The following AGXT2 variants were observed in gnomAD, a reference collection of about 807,000 sequenced individuals.
AGXT2 encodes alanine--glyoxylate aminotransferase 2.
AGXT2 carries 61 observed loss-of-function variants against 62.5 expected under a neutral mutation model. The observed-to-expected ratio is 0.98, with a 90% CI of 0.79 to 1.21. The LOEUF is 1.21. AGXT2 is among the 50% of genes most tolerant of loss of function. The pLI is 0.00. For missense variants in AGXT2, 666 were observed against 641.5 expected, an observed-to-expected ratio of 1.04 and a Z score of -0.41; for synonymous variants, 243 against 218.7, an observed-to-expected ratio of 1.11 and a Z score of -0.98.
At chr5:35,008,544 A>G (rs1369809291) in intron 12 of AGXT2, among the ~76,000 whole-genome samples, 1 of 152,246 alleles carries the variant, frequency 6.6e-6, no homozygotes, top group Non-Finnish European at 1.5e-5. Flanking sequence ...GAAATACGTT[A>G]TGACTTGTGA....
At chr5:35,044,418 G>A (rs992042047) in intron 1 of AGXT2, among the ~76,000 whole-genome samples, 1 of 152,164 alleles carries the variant, frequency 6.6e-6, no homozygotes, top group Non-Finnish European at 1.5e-5. Flanking sequence ...CATCCGCTCC[G>A]GACATGATCT....
At chr5:35,003,306 C>G (rs952291094) in intron 13 of AGXT2, among the ~76,000 whole-genome samples, 3 of 152,220 alleles carry the variant, frequency 2.0e-5, no homozygotes, top group Non-Finnish European at 2.9e-5. Flanking sequence ...TCGTGTTGCT[C>G]CCAGCCACAG....
At chr5:34,999,723 C>A (rs1766158073) in intron 13 of AGXT2, among the ~76,000 whole-genome samples, 1 of 152,190 alleles carries the variant, frequency 6.6e-6, no homozygotes, top group Admixed American at 6.5e-5. Context: ...CATAGACAAT[C>A]ATGCCTCATA....
At chr5:35,005,003 G>A (rs1367282283) in intron 12 of AGXT2, among the ~76,000 whole-genome samples, 1 of 152,160 alleles carries the variant, frequency 6.6e-6, no homozygotes, top group African/African-American at 2.4e-5. Context: ...CAGACTATTG[G>A]ATCAGAAAGG....
intron 12 of AGXT2, among the ~76,000 whole-genome samples, chr5:35,004,804 C>T (rs1462156629): frequency 1.3e-5 from 2 of 152,182 alleles, no homozygotes; most frequent in Non-Finnish European, 2.9e-5. Context: ...TTCCTACCCA[C>T]CCTCAGTCTG....
chr5:35,003,506 C>T (rs1766311114), intron 13 of AGXT2, among the ~76,000 whole-genome samples: 1 of 152,102 alleles, frequency 6.6e-6, no homozygotes, highest in Non-Finnish European at 1.5e-5. Flanking sequence ...TATCTTTACC[C>T]CAAAGAGCCG....
intron 11 of AGXT2, among the ~76,000 whole-genome samples, chr5:35,010,812 T>A (rs1384739558): frequency 6.6e-6 from 1 of 152,184 alleles, no homozygotes; most frequent in Non-Finnish European, 1.5e-5. Flanking sequence ...TATTTGTGAA[T>A]AAGATGAATG....
intron 13 of AGXT2, among the ~76,000 whole-genome samples, chr5:35,002,779 G>T (rs568212039): frequency 9.9e-5 from 13 of 131,322 alleles, no homozygotes; most frequent in Middle Eastern, 4.0e-3. Context: ...AGCAGGCTGG[G>T]GGGGGGGACT....
Position 35,036,183 on chromosome 5 carries a change from A to C in AGXT2, c.486+759T>G, listed in dbSNP as rs536953074. Among the ~76,000 whole-genome samples, 19 of 152,256 alleles carry C rather than the reference A, an allele frequency of 1.2e-4. No individual in the cohort carries two copies. In the East Asian group the frequency reaches 3.7e-3, roughly 29 times the overall value. ...CCTCCAGACTCAGGGACTGGAAGGC[A>C]TGTGTTCATGACTCTGCTGACTCTC... On this transcript the variant is annotated intron_variant, in intron 4 of 13. Transcript: ENST00000231420.
At position 35,039,433 on chromosome 5, in the gene AGXT2, G is replaced by C. The variant is rs1192090540; in HGVS notation, c.253C>G (p.Pro85Ala). The C allele has an allele frequency of 5.0e-6, 8 of 1,614,010 alleles. No individual in the cohort carries two copies. In the East Asian group the frequency reaches 8.9e-5, roughly 18 times the overall value. ...SPVVTAYFQK[P>A]LLLHQGHMEW... is the part of the protein sequence containing the mutation. ...ATGTGCCCCTGGTGGAGCAGCAGGG[G>C]TTTCTGGAAATATGCCGTCACCACA... is the stretch of plus-strand genomic sequence containing the variant. The change falls in exon 3 of 14, where the codon CCC (proline) becomes GCC (alanine). Residue 85 changes from proline to alanine, a missense_variant. Transcript: ENST00000231420.
chr5:35,022,362 G>A (rs1277564604), intron 9 of AGXT2, among the ~76,000 whole-genome samples: 1 of 151,890 alleles, frequency 6.6e-6, no homozygotes, highest in Non-Finnish European at 1.5e-5. Context: ...AGAAAATGTG[G>A]CACATATACA....
intron 9 of AGXT2, among the ~76,000 whole-genome samples, chr5:35,016,647 C>T (rs963449536): frequency 2.6e-5 from 4 of 152,116 alleles, no homozygotes; most frequent in Non-Finnish European, 4.4e-5. Flanking sequence ...GCCGTCTTCT[C>T]GGTTTGCTTG....
Position 35,034,232 on chromosome 5 carries a change from A to C in AGXT2, c.582-679T>G, listed in dbSNP as rs1012793859. On this transcript the variant is annotated intron_variant, in intron 5 of 13. Coordinates refer to ENST00000231420, the MANE Select transcript of AGXT2 (RefSeq NM_031900.4). ...TGGCAGAAATCTCAATTACTTTTGC[A>C]CCGACCTAATGTATCTTGAAAAAGG... Among the ~76,000 whole-genome samples the C allele has an allele frequency of 1.5e-4, 23 of 152,140 alleles. No individual in the cohort carries two copies. In the East Asian group the frequency reaches 4.1e-3, roughly 27 times the overall value.
intron 7 of AGXT2, among the ~76,000 whole-genome samples, chr5:35,032,094 A>T (rs1053443422): frequency 2.6e-5 from 4 of 151,594 alleles, no homozygotes; most frequent in African/African-American, 9.7e-5. Context: ...CTGGGATTAT[A>T]GGTGCACACT....
chr5:35,023,064 C>T (rs1767173968), intron 9 of AGXT2, among the ~76,000 whole-genome samples: 1 of 147,440 alleles, frequency 6.8e-6, no homozygotes, highest in Admixed American at 6.8e-5. Flanking sequence ...TAAAAGAGTG[C>T]CTTTTATTCC....
intron 1 of AGXT2, among the ~76,000 whole-genome samples, chr5:35,044,186 A>C (rs192915835): frequency 1.3e-5 from 2 of 152,142 alleles, no homozygotes; most frequent in Non-Finnish European, 2.9e-5. Flanking sequence ...TCCCTCACTG[A>C]TATTGACGTT....
intron 12 of AGXT2, among the ~76,000 whole-genome samples, chr5:35,005,972 G>A (rs145135083): frequency 3.0e-4 from 46 of 152,174 alleles, no homozygotes; most frequent in African/African-American, 1.1e-3. Flanking sequence ...TGACAATTTG[G>A]TGTGAAACAG....
chr5:35,013,664 C>A (rs901731544), intron 10 of AGXT2, among the ~76,000 whole-genome samples: 5 of 152,000 alleles, frequency 3.3e-5, no homozygotes, highest in Admixed American at 6.6e-5. Context: ...CACCTGTAAT[C>A]GCAGCTACTC....
At chr5:35,047,314 G>A (rs1768266876) in intron 1 of AGXT2, among the ~76,000 whole-genome samples, 2 of 152,114 alleles carry the variant, frequency 1.3e-5, no homozygotes, top group African/African-American at 4.8e-5. Flanking sequence ...ATGGTGGCAT[G>A]TGCCTATAGT....
Sources: allele counts gnomAD v4.1 joint callset (sites outside exome capture counted in the v4.1 genomes callset), GRCh38; gene constraint gnomAD v4.1.1; transcripts MANE v1.5; gene names NCBI Gene and HGNC (gene_info 2026-07-23, HGNC 2026-07-21).